SPOCK1: variants seen among roughly 807,000 people sequenced by gnomAD.
SPOCK1 encodes the protein SPARC (osteonectin), cwcv and kazal like domains proteoglycan 1.
In SPOCK1, 23 loss-of-function variants were observed where a neutral mutation model predicts 55.3. The observed-to-expected ratio is 0.42, with a 90% confidence interval of 0.30 to 0.59. The LOEUF is 0.59. SPOCK1 is among the 20% of genes least tolerant of loss of function. SPOCK1 has a pLI of 0.22. For missense variants in SPOCK1, 499 were observed against 552.5 expected (o/e 0.90, Z 0.97); for synonymous variants, 226 against 221.0 (o/e 1.02, Z -0.20).
chr5:137,122,955 T>C lies in SPOCK1; in HGVS notation c.348-10394A>G, dbSNP rs147321119. ...CTGGGAGGGCTGGGTGTGATTGCCA[T>C]TAAGAAGGAGCAAGTCAGTAAAATG... On this transcript the variant is annotated intron_variant, in intron 4 of 10. Coordinates refer to ENST00000394945, the MANE Select transcript of SPOCK1 (RefSeq NM_004598.4). Among the ~76,000 whole-genome samples, 426 of 152,302 alleles carry C rather than the reference T, an allele frequency of 2.8e-3. 3 individuals are homozygous for C. Among genetic ancestry groups the C allele is most frequent in the African/African-American group, 9.6e-3 (399 of 41,564 alleles).
chr5:137,311,367 T>G (rs1739200674), intron 2 of SPOCK1, among the ~76,000 whole-genome samples: 1 of 152,196 alleles, frequency 6.6e-6, no homozygotes, highest in Non-Finnish European at 1.5e-5. Context: ...ATGCTAATGT[T>G]TGGTTTTCAA....
At chr5:137,498,810 T>G (rs1387874713) in intron 1 of SPOCK1, among the ~76,000 whole-genome samples, 3 of 152,126 alleles carry the variant, frequency 2.0e-5, no homozygotes, top group Non-Finnish European at 4.4e-5. Flanking sequence ...ACCCGTCTCG[T>G]CTATTCTCCG....
chr5:137,244,623 A>AC (rs1253025346), intron 3 of SPOCK1, among the ~76,000 whole-genome samples: 1 of 152,352 alleles, frequency 6.6e-6, no homozygotes, highest in Non-Finnish European at 1.5e-5. Context: ...GTAGTATCCC[A>AC]CCAGACGACA....
intron 5 of SPOCK1, among the ~76,000 whole-genome samples, chr5:137,092,822 G>T (rs1287843307): frequency 1.3e-5 from 2 of 152,184 alleles, no homozygotes; most frequent in Non-Finnish European, 2.9e-5. Flanking sequence ...CTGAAACTGG[G>T]TAATTTATAA....
Position 137,474,824 on chromosome 5 carries a change from G to C in SPOCK1, c.186+23549C>G, listed in dbSNP as rs545206585. 4.6e-5 allele frequency among the ~76,000 whole-genome samples: 7 copies of C among 152,266 alleles called. No homozygotes were observed. The East Asian group carries it at 9.6e-4, about 21-fold the overall frequency. On this transcript the variant is annotated intron_variant, in intron 2 of 10. Coordinates refer to ENST00000394945, the MANE Select transcript of SPOCK1 (RefSeq NM_004598.4). ...ACAGTGTTACTAACAAGGTGGGAGA[G>C]AGATGAAGCTCTTCTTTACTAAAAA...
intron 6 of SPOCK1, among the ~76,000 whole-genome samples, chr5:137,063,928 C>T (rs905563720): frequency 6.6e-6 from 1 of 152,202 alleles, no homozygotes; most frequent in Non-Finnish European, 1.5e-5. Flanking sequence ...AACCTCACTA[C>T]AGTCTTTTTT....
At chr5:137,210,599 G>A (rs148877573) in intron 3 of SPOCK1, among the ~76,000 whole-genome samples, 1 of 152,060 alleles carries the variant, frequency 6.6e-6, no homozygotes, top group Non-Finnish European at 1.5e-5. Flanking sequence ...TCAGATACAC[G>A]GTCTGGGACT....
At chr5:137,247,077 G>C (rs777813191) in intron 3 of SPOCK1, among the ~76,000 whole-genome samples, 31 of 152,182 alleles carry the variant, frequency 2.0e-4, no homozygotes, top group African/African-American at 6.5e-4. Flanking sequence ...CTGCAAAACT[G>C]TCTGAAGGAT....
chr5:137,498,801 C>A (rs1006138758), intron 1 of SPOCK1, among the ~76,000 whole-genome samples: 1 of 152,192 alleles, frequency 6.6e-6, no homozygotes, highest in Admixed American at 6.5e-5. Flanking sequence ...CTACAGGGGA[C>A]CCGTCTCGTC....
intron 2 of SPOCK1, among the ~76,000 whole-genome samples, chr5:137,302,737 C>T (rs1177302990): frequency 1.2e-4 from 18 of 152,194 alleles, no homozygotes; most frequent in East Asian, 1.9e-4. Context: ...GTAAGGTACA[C>T]CTTCTAAAAC....
chr5:137,391,553 C>T (rs1370072317), intron 2 of SPOCK1, among the ~76,000 whole-genome samples: 1 of 152,184 alleles, frequency 6.6e-6, no homozygotes, highest in Non-Finnish European at 1.5e-5. Context: ...GCTGTAACTG[C>T]AAATACAGCA....
chr5:137,153,398 G>C (rs1183591686), intron 3 of SPOCK1, among the ~76,000 whole-genome samples: 4 of 152,114 alleles, frequency 2.6e-5, no homozygotes, highest in African/African-American at 7.2e-5. Context: ...TTTTAATGTA[G>C]GGGAGACTTC....
intron 4 of SPOCK1, among the ~76,000 whole-genome samples, chr5:137,139,469 C>T (rs1754050519): frequency 6.6e-6 from 1 of 151,954 alleles, no homozygotes; most frequent in Non-Finnish European, 1.5e-5. Flanking sequence ...AGGGGACCAG[C>T]ATTGCTTGGA....
At chr5:137,339,411 T>C (rs1580874199) in intron 2 of SPOCK1, among the ~76,000 whole-genome samples, 1 of 152,192 alleles carries the variant, frequency 6.6e-6, no homozygotes, top group Non-Finnish European at 1.5e-5. Context: ...TTCTACTAAA[T>C]GTATATATAA....
At chr5:137,306,093 C>T (rs1432062893) in intron 2 of SPOCK1, among the ~76,000 whole-genome samples, 2 of 152,162 alleles carry the variant, frequency 1.3e-5, no homozygotes, top group Non-Finnish European at 2.9e-5. Flanking sequence ...GTGGAAATGG[C>T]TTTCAGGAAC....
chr5:137,288,152 C>T (rs773409771), intron 2 of SPOCK1, among the ~76,000 whole-genome samples: 48 of 152,292 alleles, frequency 3.2e-4, no homozygotes, highest in Non-Finnish European at 6.3e-4. Context: ...CAGTCCTCAG[C>T]TTCTGTGTGA....
chr5:137,199,984 C>A (rs1445889202), intron 3 of SPOCK1, among the ~76,000 whole-genome samples: 1 of 152,198 alleles, frequency 6.6e-6, no homozygotes, highest in Non-Finnish European at 1.5e-5. Flanking sequence ...AGCATCTTCT[C>A]GCCTCTGGCA....
intron 9 of SPOCK1, among the ~76,000 whole-genome samples, chr5:136,983,143 G>A (rs1750765645): frequency 6.6e-6 from 1 of 152,164 alleles, no homozygotes; most frequent in Non-Finnish European, 1.5e-5. Flanking sequence ...GCCTTCCACT[G>A]TAGCTTTCTA....
chr5:137,002,903 T>C (rs188178199), intron 6 of SPOCK1, among the ~76,000 whole-genome samples: 81 of 152,232 alleles, frequency 5.3e-4, no homozygotes, highest in Non-Finnish European at 9.0e-4. Context: ...TTGCCTTTTG[T>C]TAATGTATGA....
Sources: gnomAD v4.1 joint callset for allele counts (sites outside exome capture counted in the v4.1 genomes callset) on GRCh38, gnomAD v4.1.1 for gene constraint, MANE v1.5 for transcripts, NCBI Gene and HGNC (gene_info 2026-07-23, HGNC 2026-07-21) for gene names.